KMT2A: variants seen among roughly 807,000 people sequenced by gnomAD.
KMT2A encodes histone-lysine N-methyltransferase 2A.
Under a neutral mutation model 345.3 loss-of-function variants are expected in KMT2A, and 16 were observed. The observed-to-expected ratio is 0.05, with a 90% CI of 0.03 to 0.07. The LOEUF (loss-of-function observed/expected upper bound fraction) is 0.07, where lower values mean the gene tolerates loss of function less well. KMT2A is among the 10% of genes least tolerant of loss of function. The pLI is 1.00. For synonymous variants in KMT2A, 1,599 were observed against 1,778.6 expected, an observed-to-expected ratio of 0.90 and a Z score of 2.54; for missense variants, 3,272 against 4,841.6, an observed-to-expected ratio of 0.68 and a Z score of 9.62.
intron 28 of KMT2A, 142 bp downstream of exon 28, chr11:118,507,751 T>G (rs1446449964): frequency 1.1e-5 from 7 of 642,096 alleles, no homozygotes; most frequent in Non-Finnish European, 2.0e-5. Flanking sequence ...GATCACGAGG[T>G]TAGATCGAGA....
intron 8 of KMT2A, among the ~76,000 whole-genome samples, chr11:118,483,416 C>G (rs1337538003): frequency 1.3e-5 from 2 of 151,966 alleles, no homozygotes; most frequent in Non-Finnish European, 2.9e-5. Flanking sequence ...GCCTGTAGTC[C>G]CAGCTACTCA....
intron 10 of KMT2A, 40 bp from the exon 11 acceptor site, chr11:118,488,574 T>C: frequency 6.2e-7 from 1 of 1,605,784 alleles, no homozygotes; most frequent in Middle Eastern, 1.7e-4. Context: ...TTTCTACATA[T>C]TATTTGACAT....
intron 1 of KMT2A, among the ~76,000 whole-genome samples, chr11:118,447,346 T>C (rs1949443643): frequency 6.6e-6 from 1 of 152,190 alleles, no homozygotes; most frequent in Admixed American, 6.5e-5. Context: ...AATTGAAAAT[T>C]TGATGTCCAT....
chr11:118,465,266 G>A (rs1034199996), intron 1 of KMT2A, among the ~76,000 whole-genome samples: 1 of 151,836 alleles, frequency 6.6e-6, no homozygotes, highest in Non-Finnish European at 1.5e-5. Context: ...TCTATGAAGG[G>A]CACCCATTTT....
Position 118,505,657 on chromosome 11 carries a change from G to A in KMT2A, c.9765G>A (p.Met3255Ile). Residue 3255 changes from methionine to isoleucine, a missense_variant, in exon 27 of 36, where the codon ATG becomes ATA. Met to Ile is a conservative substitution (Grantham distance 10, BLOSUM62 1). Transcript: ENST00000534358. This position sits in a 1 kb window ranked among gnomAD's most constrained non-coding sequence, Gnocchi z 4.6. ...NIAPSDVVSN[M>I]TLINFTPSQL... is the part of the protein sequence containing the mutation. ...CCCCTTCTGATGTGGTTTCTAATAT[G>A]ACATTGATTAACTTCACACCCTCCC... is the stretch of plus-strand genomic sequence containing the variant. 6.2e-7 allele frequency: 1 copy of A among 1,614,168 alleles called. No individual in the cohort carries two copies. Among genetic ancestry groups the A allele is most frequent in the Non-Finnish European group, 8.5e-7 (1 of 1,180,028 alleles).
In KMT2A at chr11:118,436,958, G is replaced by A; in HGVS notation, c.432+14G>A. 1 of 1,461,460 alleles carries A rather than the reference G, an allele frequency of 6.8e-7. No homozygotes were observed. The highest frequency in any genetic ancestry group is 1.4e-5 in the African/African-American group (1 of 69,530). The allele number at this position is 1,461,460 out of a possible 1,614,324, so 90.5% of individuals were successfully genotyped here. On this transcript the variant is annotated intron_variant, in intron 1 of 35. Coordinates refer to ENST00000534358, the MANE Select transcript of KMT2A (RefSeq NM_001197104.2). This position sits in a 1 kb window ranked among gnomAD's most constrained non-coding sequence, Gnocchi z 6.9. Reference sequence around the variant, plus strand: ...GGCAGCGGAGAGGTAAGGGGGCGAGGAACCCCCAGGTCCGGGGTCTCGACC... The same window carrying A: ...GGCAGCGGAGAGGTAAGGGGGCGAGAAACCCCCAGGTCCGGGGTCTCGACC...
chr11:118,445,068 T>C (rs1490828954), intron 1 of KMT2A, among the ~76,000 whole-genome samples: 1 of 152,194 alleles, frequency 6.6e-6, no homozygotes, highest in African/African-American at 2.4e-5. Context: ...TCTTTTTTTT[T>C]CATCAAAATA....
At chr11:118,446,618 T>C (rs1414916502) in intron 1 of KMT2A, among the ~76,000 whole-genome samples, 1 of 152,222 alleles carries the variant, frequency 6.6e-6, no homozygotes, top group Non-Finnish European at 1.5e-5. Context: ...TATATTATTG[T>C]AGTGTTTCTT....
intron 1 of KMT2A, among the ~76,000 whole-genome samples, chr11:118,467,503 A>G (rs1949867659): frequency 6.6e-6 from 1 of 152,238 alleles, no homozygotes; most frequent in South Asian, 2.1e-4. Flanking sequence ...AGATGCCAGT[A>G]AGACTTTTCT....
rs1950195261 is a variant in KMT2A, at chr11:118,484,448, G to C, written c.4218+134G>C. ...TGAATAAGAACTCCCATTAGCAGGT[G>C]GGTTTAGCGCTGGGAGAGCTTTGGT... On this transcript the variant is annotated intron_variant, in intron 9 of 35. Transcript: ENST00000534358. The surrounding 1 kb of genome is among the most constrained non-coding windows in gnomAD (Gnocchi z 4.1). 17 of 923,638 alleles carry C rather than the reference G, an allele frequency of 1.8e-5. No homozygotes were observed. The highest frequency in any genetic ancestry group is 2.7e-5 in the Non-Finnish European group (17 of 618,640). The allele number at this position is 923,638 out of a possible 1,614,324, so 57.2% of individuals were successfully genotyped here. A position where few individuals can be genotyped will look rare whatever the true frequency, so the allele number is the denominator to read the frequency against.
rs369080295 is a variant in KMT2A at position 118,491,200 on chromosome 11, C to T, written c.4701C>T (p.Asn1567=). Residue 1567 remains asparagine, a synonymous_variant, in exon 14 of 36, where the codon AAC becomes AAT. Coordinates refer to ENST00000534358, the MANE Select transcript of KMT2A (RefSeq NM_001197104.2). The surrounding 1 kb of genome is among the most constrained non-coding windows in gnomAD (Gnocchi z 4.2). The part of the protein sequence containing the change: ...HDCAKLFAKG[N]FCPLCDKCYD... ...TAAACTTTGCTTTGCTTTCAGGAAA[C>T]TTCTGCCCTCTCTGTGACAAATGTT... 18 of 1,612,934 alleles carry T rather than the reference C, an allele frequency of 1.1e-5. No homozygotes were observed. Among genetic ancestry groups the T allele is most frequent in the African/African-American group, 9.4e-5 (7 of 74,850 alleles).
Position 118,484,137 on chromosome 11 carries a change from C to T in KMT2A, c.4087-46C>T. The T allele has an allele frequency of 6.3e-7, 1 of 1,594,504 alleles. No individual in the cohort carries two copies. Among genetic ancestry groups the T allele is most frequent in the East Asian group, 2.2e-5 (1 of 44,658 alleles). On this transcript the variant is annotated intron_variant, in intron 8 of 35. Coordinates refer to ENST00000534358, the MANE Select transcript of KMT2A (RefSeq NM_001197104.2). This position sits in a 1 kb window ranked among gnomAD's most constrained non-coding sequence, Gnocchi z 4.1. Reference sequence around the variant, plus strand: ...TTATTATCTGTTGCAAATGTGAAGGCAAATAGGGTGTGATTTTGTTCTATA... The same window carrying T: ...TTATTATCTGTTGCAAATGTGAAGGTAAATAGGGTGTGATTTTGTTCTATA...
rs1949185495 is a variant in KMT2A at position 118,436,620 on chromosome 11, G to T, written c.108G>T (p.Pro36=). 12 of 1,157,540 alleles carry T rather than the reference G, an allele frequency of 1.0e-5. No individual in the cohort carries two copies. The highest frequency in any genetic ancestry group is 1.3e-5 in the Non-Finnish European group (12 of 936,694). The allele number at this position is 1,157,540 out of a possible 1,614,324, so 71.7% of individuals were successfully genotyped here. A position where few individuals can be genotyped will look rare whatever the true frequency, so the allele number is the denominator to read the frequency against. The change falls in exon 1 of 36, where the codon CCG becomes CCT. Residue 36 remains proline (P), a synonymous_variant. Transcript: ENST00000534358. The surrounding 1 kb of genome is among the most constrained non-coding windows in gnomAD (Gnocchi z 6.9). The stretch of plus-strand genomic sequence containing the variant: ...GGGGCGCCCCGCGGCAACGCGTCCC[G>T]GCCCTGCTGCTTCCCCCCGGGCCCC... The part of the protein sequence containing the change: ...GLGGAPRQRV[P]ALLLPPGPPV...
In KMT2A at chr11:118,502,236, G is replaced by A. The variant is rs1555045928; in HGVS notation, c.6506-162G>A. On this transcript the variant is annotated intron_variant, in intron 26 of 35. Coordinates refer to ENST00000534358, the MANE Select transcript of KMT2A (RefSeq NM_001197104.2). This position sits in a 1 kb window ranked among gnomAD's most constrained non-coding sequence, Gnocchi z 4.9. The stretch of plus-strand genomic sequence containing the variant: ...CCACTGCACTCCAGCTTGGGTGACA[G>A]AGTGAGACACTGTCTCAAAAAAGTA... Among the ~76,000 whole-genome samples, 2 of 152,162 alleles carry A rather than the reference G, an allele frequency of 1.3e-5. No individual in the cohort carries two copies. Among genetic ancestry groups the A allele is most frequent in the African/African-American group, 2.4e-5 (1 of 41,424 alleles).
intron 25 of KMT2A, 91 bp from the exon 26 acceptor site, chr11:118,501,581 A>C (rs1950501557): frequency 9.0e-7 from 1 of 1,113,978 alleles, no homozygotes; most frequent in Non-Finnish European, 1.3e-6. Flanking sequence ...TTCTAGTTTT[A>C]CATTTACCTG....
Position 118,488,670 on chromosome 11 carries a change from C to G in KMT2A, c.4389C>G (p.Asn1463Lys). Reference protein sequence around the residue: ...EPFHKFCLEENERPLEDQLEN... With the variant: ...EPFHKFCLEEKERPLEDQLEN... ...TCCACAAGTTTTGTTTAGAGGAGAA[C>G]GAGCGCCCTCTGGAGGACCAGCTGG... Residue 1463 changes from asparagine to lysine, a missense_variant, in exon 11 of 36, where the codon AAC becomes AAG. Asn to Lys is a moderately conservative substitution (Grantham distance 94). Transcript: ENST00000534358. 1 of 1,614,120 alleles carries G rather than the reference C, an allele frequency of 6.2e-7. No homozygotes were observed.
At position 118,504,245 on chromosome 11, in the gene KMT2A, A is replaced by G; in HGVS notation, c.8353A>G (p.Asn2785Asp). The change falls in exon 27 of 36, where the codon AAC (asparagine) becomes GAC (aspartate). Residue 2785 changes from asparagine (N) to aspartate (D), a missense_variant. By Grantham distance (23) the Asn-to-Asp change is conservative. This residue lies in a region of KMT2A where 100 missense variants were observed against 101.3 expected (regional missense o/e 0.99). Transcript: ENST00000534358. This position sits in a 1 kb window ranked among gnomAD's most constrained non-coding sequence, Gnocchi z 6.4. ...VGHKNEPKMD[N>D]CHSVSRVKTQ... ...CCACAAAAATGAGCCAAAGATGGAT[A>G]ACTGCCATTCTGTAAGCAGAGTTAA... 1 of 1,614,212 alleles carries G rather than the reference A, an allele frequency of 6.2e-7. No individual in the cohort carries two copies. Among genetic ancestry groups the G allele is most frequent in the African/African-American group, 1.3e-5 (1 of 75,048 alleles).
Position 118,481,854 on chromosome 11 carries a change from T to C in KMT2A, c.3774T>C (p.Ser1258=). ...AGGATCCTGCCCCAAAGAAAAGCAG[T>C]AGTGAGCCTCCTCCACGAAAGCCCG... The part of the protein sequence containing the change: ...AREDPAPKKS[S]SEPPPRKPVE... The change falls in exon 7 of 36, where the codon AGT becomes AGC. Residue 1258 remains serine (S), a synonymous_variant. Coordinates refer to ENST00000534358, the MANE Select transcript of KMT2A (RefSeq NM_001197104.2). 6.2e-7 allele frequency: 1 copy of C among 1,614,028 alleles called. No individual in the cohort carries two copies.
In KMT2A at chr11:118,470,328, G is replaced by A. The variant is rs147544070; in HGVS notation, c.503-1334G>A. On this transcript the variant is annotated intron_variant, in intron 2 of 35. Transcript: ENST00000534358. Reference sequence around the variant, plus strand: ...TTGTTTTTGTTTTTGTTTTTGAGACGGAGTCTCACTCTGTCACCCAGGCTC... The same window carrying A: ...TTGTTTTTGTTTTTGTTTTTGAGACAGAGTCTCACTCTGTCACCCAGGCTC... 7.5e-4 allele frequency among the ~76,000 whole-genome samples: 114 copies of A among 152,120 alleles called. 1 individual carries two copies. The highest frequency in any genetic ancestry group is 2.4e-3 in the African/African-American group (100 of 41,532).
Sources: allele counts gnomAD v4.1 joint callset (sites outside exome capture counted in the v4.1 genomes callset), GRCh38; gene constraint gnomAD v4.1.1; regional missense constraint gnomAD v4.1.1; non-coding constraint Gnocchi (gnomAD v3.1); transcripts MANE v1.5; gene names NCBI Gene and HGNC (gene_info 2026-07-23, HGNC 2026-07-21).